Variants in PDE1C observed in about 807,000 individuals in gnomAD.
PDE1C encodes the protein dual specificity calcium/calmodulin-dependent 3',5'-cyclic nucleotide phosphodiesterase 1C.
A neutral mutation model predicts 93.1 loss-of-function variants in PDE1C; 62 were observed. The observed-to-expected ratio is 0.67, with a 90% CI of 0.54 to 0.82. PDE1C has a LOEUF of 0.82. Ranked by LOEUF, PDE1C falls within the 40% of genes least tolerant of loss-of-function variation. The probability of loss-of-function intolerance (pLI) is 0.00; values close to 1 mark genes in which losing one functional copy is unlikely to be tolerated. For missense variants in PDE1C, 742 were observed against 884.6 expected (o/e 0.84, Z 2.04); for synonymous variants, 325 against 310.1 (o/e 1.05, Z -0.50).
At chr7:32,155,879 C>T (rs916575400) in intron 3 of PDE1C, among the ~76,000 whole-genome samples, 22 of 152,182 alleles carry the variant, frequency 1.4e-4, no homozygotes, top group African/African-American at 5.3e-4. Context: ...TTAAGACAAA[C>T]AGAACGCTCT....
upstream of PDE1C, chr7:32,299,381 T>G (rs142198420): frequency 4.4e-4 from 435 of 985,630 alleles, 1 homozygote; most frequent in African/African-American, 5.8e-3. Flanking sequence ...AGCACTGGCC[T>G]GGAGCCCCGA....
intron 1 of PDE1C, among the ~76,000 whole-genome samples, chr7:32,263,510 T>C (rs866975849): frequency 1.4e-4 from 21 of 152,350 alleles, no homozygotes; most frequent in Middle Eastern, 6.8e-3. Flanking sequence ...AGAGATAGCA[T>C]ACTACAATTA....
At chr7:31,995,004 A>G (rs1420548067) in intron 2 of PDE1C, among the ~76,000 whole-genome samples, 1 of 152,218 alleles carries the variant, frequency 6.6e-6, no homozygotes, top group Non-Finnish European at 1.5e-5. Context: ...CCATGTGGTC[A>G]GGACTGACCA....
intron 3 of PDE1C, among the ~76,000 whole-genome samples, chr7:32,165,710 A>G (rs1228884484): frequency 6.6e-6 from 1 of 152,198 alleles, no homozygotes; most frequent in African/African-American, 2.4e-5. Context: ...ATGGGATTAC[A>G]ATTCAAGATG....
chr7:31,899,719 T>A (rs1484148122), intron 2 of PDE1C, among the ~76,000 whole-genome samples: 2 of 152,158 alleles, frequency 1.3e-5, no homozygotes, highest in African/African-American at 2.4e-5. Flanking sequence ...AAACCCTTAG[T>A]ATGAGCAGGC....
chr7:31,725,552 G>A, the PDE1C span, among the ~76,000 whole-genome samples: 9 of 152,124 alleles, frequency 5.9e-5, no homozygotes, highest in Admixed American at 5.9e-4. Flanking sequence ...AGATCACTTT[G>A]TCCATTTGGT....
chr7:31,946,103 A>T (rs1289520865), intron 2 of PDE1C, among the ~76,000 whole-genome samples: 1 of 152,098 alleles, frequency 6.6e-6, no homozygotes, highest in Non-Finnish European at 1.5e-5. Flanking sequence ...AGCTCTTCAT[A>T]TATCAATCAT....
intron 16 of PDE1C, among the ~76,000 whole-genome samples, chr7:31,777,881 G>A (rs570069800): frequency 5.9e-5 from 9 of 152,096 alleles, no homozygotes; most frequent in Admixed American, 2.6e-4. Flanking sequence ...ATGCCCTGAA[G>A]GTCAGAGTTG....
At chr7:31,775,992 T>C (rs184314970) in intron 16 of PDE1C, among the ~76,000 whole-genome samples, 16 of 152,284 alleles carry the variant, frequency 1.1e-4, no homozygotes, top group African/African-American at 3.8e-4. Context: ...TGAGCAATGC[T>C]ACATTTTAGG....
At chr7:31,896,355 G>A (rs1448611580) in intron 2 of PDE1C, among the ~76,000 whole-genome samples, 1 of 152,144 alleles carries the variant, frequency 6.6e-6, no homozygotes, top group Non-Finnish European at 1.5e-5. Flanking sequence ...ACCAAACTAC[G>A]TGAATTTATT....
intron 2 of PDE1C, among the ~76,000 whole-genome samples, chr7:32,007,205 C>T (rs1412273664): frequency 6.6e-6 from 1 of 152,184 alleles, no homozygotes; most frequent in Non-Finnish European, 1.5e-5. Context: ...GTGTCAGAGT[C>T]CATTGCTTGC....
At chr7:32,081,220 T>C (rs1044978262) in intron 3 of PDE1C, among the ~76,000 whole-genome samples, 1 of 152,224 alleles carries the variant, frequency 6.6e-6, no homozygotes, top group East Asian at 1.9e-4. Flanking sequence ...GGAATTTTAA[T>C]GAAAGCATTG....
intron 2 of PDE1C, among the ~76,000 whole-genome samples, chr7:32,186,105 T>G (rs1270846014): frequency 3.8e-5 from 5 of 131,866 alleles, no homozygotes; most frequent in East Asian, 3.9e-4. Flanking sequence ...TTTTTTTTTT[T>G]TTTTTTTTGA....
Position 31,752,126 on chromosome 7 carries a change from G to A in PDE1C, c.*1258C>T, listed in dbSNP as rs1252741351. 6.6e-6 allele frequency: 1 copy of A among 152,176 alleles called. No homozygotes were observed. Among genetic ancestry groups the A allele is most frequent in the Non-Finnish European group, 1.5e-5 (1 of 68,038 alleles). 9.4% of individuals were successfully genotyped at this position (152,176 alleles called of 1,614,324 possible). On this transcript the variant is annotated 3_prime_UTR_variant, in exon 18 of 18. Transcript: ENST00000396191. Reference sequence around the variant, plus strand: ...GGCATCAAAAAATTATGCCATCCGAGCAAGGACCTGCAACTAGTTATAGAC... The same window carrying A: ...GGCATCAAAAAATTATGCCATCCGAACAAGGACCTGCAACTAGTTATAGAC...
intron 2 of PDE1C, among the ~76,000 whole-genome samples, chr7:32,019,099 G>A (rs1788298899): frequency 6.9e-6 from 1 of 144,516 alleles, no homozygotes; most frequent in Non-Finnish European, 1.5e-5. Context: ...TCAAACCCTA[G>A]TCAAGTTTAT....
intron 16 of PDE1C, among the ~76,000 whole-genome samples, chr7:31,780,584 G>T (rs1316964248): frequency 3.9e-5 from 6 of 152,248 alleles, no homozygotes; most frequent in South Asian, 2.1e-4. Flanking sequence ...AAAAGCAAAT[G>T]AACAAACAAC....
At chr7:31,869,330 G>T (rs1304445581) in intron 6 of PDE1C, among the ~76,000 whole-genome samples, 2 of 151,928 alleles carry the variant, frequency 1.3e-5, no homozygotes, top group Non-Finnish European at 2.9e-5. Context: ...CTAGCTAAAT[G>T]GATTAAAAAT....
chr7:31,872,495 C>T (rs1796065172), intron 6 of PDE1C, among the ~76,000 whole-genome samples: 1 of 152,118 alleles, frequency 6.6e-6, no homozygotes, highest in Non-Finnish European at 1.5e-5. Context: ...CACATGTACC[C>T]TATAAATATA....
intron 3 of PDE1C, among the ~76,000 whole-genome samples, chr7:32,153,212 G>T (rs1467945380): frequency 6.6e-6 from 1 of 152,106 alleles, no homozygotes; most frequent in Admixed American, 6.6e-5. Context: ...TTTGGAAAAA[G>T]ACAACATAAG....
Sources: allele counts gnomAD v4.1 joint callset (sites outside exome capture counted in the v4.1 genomes callset), GRCh38; gene constraint gnomAD v4.1.1; transcripts MANE v1.5; gene names NCBI Gene and HGNC (gene_info 2026-07-23, HGNC 2026-07-21).